The following ZBTB8A variants were observed in gnomAD, a reference collection of about 807,000 sequenced individuals.
The protein encoded by ZBTB8A is zinc finger and BTB domain containing 8A.
Under a neutral mutation model 37.8 loss-of-function variants are expected in ZBTB8A, and 19 were observed. The observed-to-expected ratio is 0.50, with a 90% CI of 0.35 to 0.74. ZBTB8A has a LOEUF of 0.74. Ranked by LOEUF, ZBTB8A falls within the 30% of genes least tolerant of loss-of-function variation. The pLI is 0.01. For synonymous variants in ZBTB8A, 181 were observed against 185.2 expected (o/e 0.98, Z 0.19); for missense variants, 394 against 537.8 (o/e 0.73, Z 2.65).
intron 2 of ZBTB8A, among the ~76,000 whole-genome samples, chr1:32,587,188 G>A (rs1357688632): frequency 2.6e-5 from 4 of 151,332 alleles, no homozygotes; most frequent in East Asian, 3.9e-4. Context: ...TCAGTGAGCC[G>A]AGATCACACC....
chr1:32,578,987 T>C (rs1416007446), intron 2 of ZBTB8A, among the ~76,000 whole-genome samples: 2 of 152,178 alleles, frequency 1.3e-5, no homozygotes, highest in Non-Finnish European at 2.9e-5. Context: ...AATTTGTTAA[T>C]GGATCAGCTT....
chr1:32,594,484 C>T (rs79901316), intron 3 of ZBTB8A, among the ~76,000 whole-genome samples: 5 of 151,598 alleles, frequency 3.3e-5, no homozygotes, highest in East Asian at 3.9e-4. Flanking sequence ...AAATACAGGC[C>T]GGGCACAGTG....
intron 2 of ZBTB8A, among the ~76,000 whole-genome samples, chr1:32,581,353 T>C (rs552479413): frequency 7.7e-6 from 1 of 130,148 alleles, no homozygotes; most frequent in East Asian, 2.0e-4. Flanking sequence ...ATATGTATTA[T>C]ATATATATTT....
intron 1 of ZBTB8A, among the ~76,000 whole-genome samples, chr1:32,545,576 C>T (rs1233216579): frequency 6.6e-6 from 1 of 152,094 alleles, no homozygotes; most frequent in Non-Finnish European, 1.5e-5. Context: ...TTCAGAAGTG[C>T]CTCAGAACCC....
intron 1 of ZBTB8A, among the ~76,000 whole-genome samples, chr1:32,542,914 G>A (rs1644068781): frequency 2.0e-5 from 3 of 152,118 alleles, no homozygotes; most frequent in Admixed American, 2.0e-4. Flanking sequence ...AAGAAAATCT[G>A]AAATGCATTA....
At chr1:32,562,026 T>G (rs1296258356) in intron 2 of ZBTB8A, among the ~76,000 whole-genome samples, 1 of 151,962 alleles carries the variant, frequency 6.6e-6, no homozygotes, top group Middle Eastern at 3.2e-3. Context: ...CATGGCTCAC[T>G]GCAGCCTCGA....
Position 32,593,487 on chromosome 1 carries a change from C to A in ZBTB8A, c.556C>A (p.His186Asn). 6.2e-7 allele frequency: 1 copy of A among 1,614,062 alleles called. No homozygotes were observed. The highest frequency in any genetic ancestry group is 8.5e-7 in the Non-Finnish European group (1 of 1,180,032). ...AAAATCTTGGAATAAGTATAATTAT[C>A]ATCCAGCCTCCCAGAAGAATACTCA... ...SGKSWNKYNY[H>N]PASQKNTQQP... The change falls in exon 3 of 5, where the codon CAT (histidine) becomes AAT (asparagine). Residue 186 changes from histidine (H) to asparagine (N), a missense_variant. By Grantham distance (68) the His-to-Asn change is moderately conservative. This residue lies in a region of ZBTB8A where 171 missense variants were observed against 186.8 expected (regional missense o/e 0.92). Transcript: ENST00000373510.
intron 1 of ZBTB8A, among the ~76,000 whole-genome samples, chr1:32,548,882 C>T (rs1644127930): frequency 6.6e-6 from 1 of 152,126 alleles, no homozygotes; most frequent in Non-Finnish European, 1.5e-5. Flanking sequence ...AGTCCATGCT[C>T]TCATTGATAA....
intron 4 of ZBTB8A, 63 bp from the exon 5 acceptor site, chr1:32,600,024 T>C: frequency 1.5e-6 from 2 of 1,379,230 alleles, no homozygotes; most frequent in East Asian, 4.6e-5. Context: ...AACTGGTACC[T>C]AAAATATCAA....
intron 1 of ZBTB8A, among the ~76,000 whole-genome samples, chr1:32,549,345 T>C (rs1200627394): frequency 6.6e-6 from 1 of 151,748 alleles, no homozygotes; most frequent in Non-Finnish European, 1.5e-5. Flanking sequence ...AATATAAAAA[T>C]TAGCCACGCA....
intron 4 of ZBTB8A, among the ~76,000 whole-genome samples, chr1:32,597,182 A>G (rs1644540345): frequency 6.6e-6 from 1 of 151,948 alleles, no homozygotes; most frequent in Non-Finnish European, 1.5e-5. Context: ...TTTAGTAGAG[A>G]TGGGGTTTCA....
chr1:32,588,802 G>A (rs959746040), intron 2 of ZBTB8A, among the ~76,000 whole-genome samples: 1 of 151,972 alleles, frequency 6.6e-6, no homozygotes, highest in East Asian at 1.9e-4. Context: ...TGGCCAACAT[G>A]GTGAAACCCC....
At chr1:32,571,769 G>A (rs1189707801) in intron 2 of ZBTB8A, among the ~76,000 whole-genome samples, 1 of 149,656 alleles carries the variant, frequency 6.7e-6, no homozygotes, top group Non-Finnish European at 1.5e-5. Flanking sequence ...TACAGATAAG[G>A]TTTTGCTATG....
At chr1:32,587,300 T>C (rs951302298) in intron 2 of ZBTB8A, among the ~76,000 whole-genome samples, 1 of 152,036 alleles carries the variant, frequency 6.6e-6, no homozygotes, top group Non-Finnish European at 1.5e-5. Context: ...AGCAGCAGTC[T>C]TGGAGAGAAG....
rs138798808 is a variant in ZBTB8A, at chr1:32,566,767, G to A, written c.-2+13227G>A. Among the ~76,000 whole-genome samples the A allele has an allele frequency of 7.7e-3, 1,167 of 152,204 alleles. 7 individuals are homozygous for A. The highest frequency in any genetic ancestry group is 0.013 in the Non-Finnish European group (908 of 68,012). On this transcript the variant is annotated intron_variant, in intron 2 of 4. Transcript: ENST00000373510. ...AAGCAAAGACTTGTGTAGAGTTGGGGAACAAGTTATGTGAAGATCCTTCAC... is the reference window on the plus strand; with the variant it reads ...AAGCAAAGACTTGTGTAGAGTTGGGAAACAAGTTATGTGAAGATCCTTCAC...
intron 2 of ZBTB8A, among the ~76,000 whole-genome samples, chr1:32,572,326 A>T (rs893428355): frequency 6.6e-6 from 1 of 151,830 alleles, no homozygotes; most frequent in Admixed American, 6.6e-5. Flanking sequence ...TTTTAAATTG[A>T]TTTAATATAA....
At chr1:32,568,589 T>C (rs193291379) in intron 2 of ZBTB8A, among the ~76,000 whole-genome samples, 1,838 of 152,222 alleles carry the variant, frequency 0.012, 21 homozygotes, top group Non-Finnish European at 0.019. Context: ...GGTTTCACCA[T>C]GTTAGCCAGG....
chr1:32,562,254 C>T (rs1644249308), intron 2 of ZBTB8A, among the ~76,000 whole-genome samples: 1 of 151,716 alleles, frequency 6.6e-6, no homozygotes, highest in African/African-American at 2.4e-5. Context: ...CCCTGCCCAG[C>T]CCCTGAGCTA....
chr1:32,595,334 C>A, intron 4 of ZBTB8A, 111 bp downstream of exon 4: 1 of 1,066,528 alleles, frequency 9.4e-7, no homozygotes, highest in Non-Finnish European at 1.4e-6. Context: ...ATGGTGTAAT[C>A]TCAGCTCGCT....
Sources: allele counts gnomAD v4.1 joint callset (sites outside exome capture counted in the v4.1 genomes callset), GRCh38; gene constraint gnomAD v4.1.1; regional missense constraint gnomAD v4.1.1; transcripts MANE v1.5; gene names NCBI Gene and HGNC (gene_info 2026-07-23, HGNC 2026-07-21).